SLC41A2: variants seen among roughly 807,000 people sequenced by gnomAD.
The protein encoded by SLC41A2 is solute carrier family 41 member 2.
Under a neutral mutation model 58.3 loss-of-function variants are expected in SLC41A2, and 32 were observed. The observed-to-expected ratio is 0.55, with a 90% CI of 0.41 to 0.74. SLC41A2 has a LOEUF of 0.74. SLC41A2 is among the 30% of genes least tolerant of loss of function. SLC41A2 has a pLI of 0.00. For missense variants in SLC41A2, 514 were observed against 680.6 expected, an observed-to-expected ratio of 0.76 and a Z score of 2.72; for synonymous variants, 190 against 235.0, an observed-to-expected ratio of 0.81 and a Z score of 1.75.
At chr12:104,933,814 C>A (rs1394344540) in intron 1 of SLC41A2, among the ~76,000 whole-genome samples, 1 of 151,998 alleles carries the variant, frequency 6.6e-6, no homozygotes, top group African/African-American at 2.4e-5. Context: ...TGACGTAACT[C>A]AGGAATGGAA....
At chr12:104,949,294 T>C (rs2047863329) in intron 1 of SLC41A2, among the ~76,000 whole-genome samples, 1 of 152,192 alleles carries the variant, frequency 6.6e-6, no homozygotes, top group African/African-American at 2.4e-5. Flanking sequence ...TATCATAAAT[T>C]GCCTTGTTTA....
chr12:104,845,845 G>T lies in SLC41A2; in HGVS notation c.1385C>A (p.Pro462Gln), dbSNP rs2042582041. The change falls in exon 9 of 11, where the codon CCA (proline) becomes CAA (glutamine). Residue 462 changes from proline to glutamine, a missense_variant and splice_region_variant. Physicochemically the swap from Pro to Gln is moderately conservative, Grantham distance 76 (BLOSUM62 -1). This residue lies in a region of SLC41A2 where 128 missense variants were observed against 146.0 expected (regional missense o/e 0.88). Coordinates refer to ENST00000258538, the MANE Select transcript of SLC41A2 (RefSeq NM_001352171.3). ...CYYPFRTFFG[P>Q]GVNNKSAQVL... ...TGCAAAAATCCATAAGCACATACCT[G>T]GACCAAAGAAAGTTCTAAATGGGTA... is the stretch of plus-strand genomic sequence containing the variant. 4 of 1,611,842 alleles carry T rather than the reference G, an allele frequency of 2.5e-6. No homozygotes were observed. The Admixed American group carries it at 6.7e-5, about 27-fold the overall frequency.
chr12:104,931,347 C>T (rs1170393729), intron 1 of SLC41A2, among the ~76,000 whole-genome samples: 1 of 152,156 alleles, frequency 6.6e-6, no homozygotes, highest in Non-Finnish European at 1.5e-5. Flanking sequence ...GTAGGTATAT[C>T]AATCACAGTA....
At chr12:104,818,917 A>G (rs1421323373) in intron 10 of SLC41A2, among the ~76,000 whole-genome samples, 1 of 152,110 alleles carries the variant, frequency 6.6e-6, no homozygotes. Flanking sequence ...TTAAAGAGAA[A>G]GTCACCATCT....
intron 1 of SLC41A2, among the ~76,000 whole-genome samples, chr12:104,949,865 G>C (rs1342083482): frequency 6.6e-6 from 1 of 152,214 alleles, no homozygotes; most frequent in African/African-American, 2.4e-5. Flanking sequence ...TTACAGGTGT[G>C]AGCCACTGTG....
intron 1 of SLC41A2, among the ~76,000 whole-genome samples, chr12:104,933,169 G>T (rs1471535753): frequency 6.6e-6 from 1 of 151,942 alleles, no homozygotes; most frequent in Non-Finnish European, 1.5e-5. Flanking sequence ...CTACAAGGAA[G>T]TCAAATCAGC....
At chr12:104,949,162 G>A (rs1318160862) in intron 1 of SLC41A2, among the ~76,000 whole-genome samples, 1 of 152,100 alleles carries the variant, frequency 6.6e-6, no homozygotes, top group Non-Finnish European at 1.5e-5. Context: ...AGGTTGCGGT[G>A]AGCCAAGATC....
At chr12:104,924,053 A>C (rs2046727312) in intron 2 of SLC41A2, among the ~76,000 whole-genome samples, 2 of 152,340 alleles carry the variant, frequency 1.3e-5, no homozygotes, top group South Asian at 4.1e-4. Flanking sequence ...TAAATGGCTC[A>C]TATCCAAAAT....
chr12:104,898,908 G>T (rs903056726), intron 3 of SLC41A2, among the ~76,000 whole-genome samples: 4 of 152,122 alleles, frequency 2.6e-5, no homozygotes, highest in Non-Finnish European at 5.9e-5. Flanking sequence ...TCAGAGAAAT[G>T]CAAATTAAGA....
chr12:104,857,748 C>T (rs1398569234), intron 8 of SLC41A2, among the ~76,000 whole-genome samples: 1 of 150,222 alleles, frequency 6.7e-6, no homozygotes, highest in African/African-American at 2.5e-5. Context: ...AGCAAACTAT[C>T]GCAAGGACAG....
At position 104,802,446 on chromosome 12, in the gene SLC41A2, C is replaced by T. The variant is rs1170987777; in HGVS notation, c.*2706G>A. On this transcript the variant is annotated 3_prime_UTR_variant, in exon 11 of 11. Coordinates refer to ENST00000258538, the MANE Select transcript of SLC41A2 (RefSeq NM_001352171.3). Reference sequence around the variant, plus strand: ...AAGGAATCTACATCCCTTTTATAATCGGCGAATTGGTGACTAATGTTTTTA... The same window carrying T: ...AAGGAATCTACATCCCTTTTATAATTGGCGAATTGGTGACTAATGTTTTTA... 1 of 152,054 alleles carries T rather than the reference C, an allele frequency of 6.6e-6. No individual in the cohort carries two copies. The highest frequency in any genetic ancestry group is 1.9e-4 in the East Asian group (1 of 5,198). The allele number at this position is 152,054 out of a possible 1,614,324, so 9.4% of individuals were successfully genotyped here.
chr12:104,916,554 C>T (rs1470125743), intron 2 of SLC41A2, among the ~76,000 whole-genome samples: 13 of 152,038 alleles, frequency 8.6e-5, no homozygotes, highest in South Asian at 2.1e-4. Context: ...GGAGGCATCA[C>T]GCTACCTGAC....
intron 2 of SLC41A2, among the ~76,000 whole-genome samples, chr12:104,914,016 G>A (rs10778357): frequency 6.6e-5 from 10 of 151,866 alleles, no homozygotes; most frequent in South Asian, 2.1e-4. Context: ...GAGCTGAGAC[G>A]GCGCCATTGC....
chr12:104,943,826 AC>A (rs1274332719), intron 1 of SLC41A2, among the ~76,000 whole-genome samples: 1 of 152,166 alleles, frequency 6.6e-6, no homozygotes, highest in East Asian at 1.9e-4. Flanking sequence ...CTTAGCTCGC[AC>A]CCAAACAATC....
chr12:104,809,206 A>T (rs1043820993), intron 10 of SLC41A2, among the ~76,000 whole-genome samples: 2 of 152,366 alleles, frequency 1.3e-5, no homozygotes, highest in Non-Finnish European at 1.5e-5. Context: ...AGTCTATTTT[A>T]ACAGGATTAT....
chr12:104,896,197 A>G (rs1251125367), intron 3 of SLC41A2, among the ~76,000 whole-genome samples: 1 of 152,208 alleles, frequency 6.6e-6, no homozygotes, highest in African/African-American at 2.4e-5. Context: ...AACCAGGTAC[A>G]GTCTAGAATT....
intron 6 of SLC41A2, among the ~76,000 whole-genome samples, chr12:104,872,353 T>C (rs561403821): frequency 1.5e-4 from 23 of 152,226 alleles, no homozygotes; most frequent in Non-Finnish European, 3.1e-4. Context: ...TCACTCTTTT[T>C]TGGAGGAGTG....
intron 10 of SLC41A2, among the ~76,000 whole-genome samples, chr12:104,808,724 G>A (rs1037341839): frequency 6.6e-6 from 1 of 152,074 alleles, no homozygotes; most frequent in African/African-American, 2.4e-5. Context: ...GTAAGCTATT[G>A]ATTATTGCCT....
chr12:104,844,729 A>G (rs540736610), intron 9 of SLC41A2, 109 bp from the exon 10 acceptor site: 24 of 458,400 alleles, frequency 5.2e-5, no homozygotes, highest in South Asian at 2.4e-4. Flanking sequence ...ACTTCATACT[A>G]TCACATGAAA....
Sources: allele counts gnomAD v4.1 joint callset (sites outside exome capture counted in the v4.1 genomes callset), GRCh38; gene constraint gnomAD v4.1.1; regional missense constraint gnomAD v4.1.1; transcripts MANE v1.5; gene names NCBI Gene and HGNC (gene_info 2026-07-23, HGNC 2026-07-21).